Variants in TIAM1 observed in about 807,000 individuals in gnomAD.
TIAM1 encodes the protein TIAM Rac1 associated GEF 1, also known as rho guanine nucleotide exchange factor TIAM1.
In TIAM1, 65 loss-of-function variants were observed where a neutral mutation model predicts 163.5. That is an observed-to-expected ratio of 0.40 (90% CI 0.33 to 0.49). TIAM1 has a LOEUF of 0.49. TIAM1 is among the 20% of genes least tolerant of loss of function. The probability of loss-of-function intolerance (pLI) is 0.77; values close to 1 mark genes in which losing one functional copy is unlikely to be tolerated. For synonymous variants in TIAM1, 833 were observed against 810.1 expected, an observed-to-expected ratio of 1.03 and a Z score of -0.48; for missense variants, 1,789 against 2,044.7, an observed-to-expected ratio of 0.87 and a Z score of 2.41.
At chr21:31,348,299 C>T (rs752426787), upstream of TIAM1, among the ~76,000 whole-genome samples, 2 of 152,178 alleles carry the variant, frequency 1.3e-5, no homozygotes, top group Non-Finnish European at 2.9e-5. Flanking sequence ...AGCTTACCTC[C>T]ACCTTTTCAA....
chr21:31,338,124 T>C (rs908650164), intron 2 of TIAM1, among the ~76,000 whole-genome samples: 10 of 152,182 alleles, frequency 6.6e-5, no homozygotes, highest in African/African-American at 2.4e-4. Context: ...TCCAAGCCAC[T>C]GTGTACATGC....
intron 1 of TIAM1, among the ~76,000 whole-genome samples, chr21:31,340,174 T>C (rs527383992): frequency 2.0e-5 from 3 of 151,566 alleles, no homozygotes; most frequent in African/African-American, 7.3e-5. Flanking sequence ...GTCCAGTCCC[T>C]TGCAATACTA....
chr21:31,298,765 TGTGA>T (rs1401401460), intron 2 of TIAM1, among the ~76,000 whole-genome samples: 32 of 134,018 alleles, frequency 2.4e-4, no homozygotes, highest in African/African-American at 1.1e-3. Flanking sequence ...TGTGTGTGTG[TGTGA>T]GAAACAGAGA....
chr21:31,451,979 T>A (rs377608711), intron 2 of TIAM1, among the ~76,000 whole-genome samples: 24 of 151,810 alleles, frequency 1.6e-4, no homozygotes, highest in East Asian at 1.2e-3. Flanking sequence ...CTAATAGAGA[T>A]GAAGAAGTTG....
intron 1 of TIAM1, among the ~76,000 whole-genome samples, chr21:31,546,852 T>C (rs574416627): frequency 4.6e-5 from 7 of 152,240 alleles, no homozygotes; most frequent in Admixed American, 6.5e-5. Context: ...CTAGCAACCA[T>C]AATGCAGCAA....
At chr21:31,522,887 G>A (rs566041831) in intron 1 of TIAM1, among the ~76,000 whole-genome samples, 5 of 152,202 alleles carry the variant, frequency 3.3e-5, no homozygotes, top group Admixed American at 2.6e-4. Flanking sequence ...ACACTACCCC[G>A]TATTTCAATG....
At chr21:31,321,993 C>T (rs1487570333) in intron 2 of TIAM1, among the ~76,000 whole-genome samples, 1 of 152,056 alleles carries the variant, frequency 6.6e-6, no homozygotes, top group Non-Finnish European at 1.5e-5. Flanking sequence ...GCAGAAGTGG[C>T]AGTGAGCCAA....
chr21:31,222,680 T>TAC, intron 8 of TIAM1, among the ~76,000 whole-genome samples: 1 of 35,516 alleles, frequency 2.8e-5, no homozygotes, highest in South Asian at 2.2e-3. Flanking sequence ...CACATACATA[T>TAC]ATATATATAT....
chr21:31,373,699 G>A lies in TIAM1; in HGVS notation c.-368-34277C>T, dbSNP rs184649417. ...TTTCTTTCAGGGGAGTACTAGAGAT[G>A]AGAGAAGAGTAATAAGCCCATTCAG... On this transcript the variant is annotated intron_variant, in intron 2 of 28. Coordinates refer to the TIAM1 transcript ENST00000286827. Among the ~76,000 whole-genome samples, 4 of 152,240 alleles carry A rather than the reference G, an allele frequency of 2.6e-5. No homozygotes were observed. The East Asian group carries it at 7.7e-4, about 29-fold the overall frequency.
intron 2 of TIAM1, among the ~76,000 whole-genome samples, chr21:31,439,660 G>T (rs2044349314): frequency 6.6e-6 from 1 of 151,704 alleles, no homozygotes; most frequent in Non-Finnish European, 1.5e-5. Context: ...AACTACAGTT[G>T]ACCAGTCATT....
At chr21:31,444,340 AAT>A (rs1211960331) in intron 2 of TIAM1, among the ~76,000 whole-genome samples, 1 of 47,498 alleles carries the variant, frequency 2.1e-5, no homozygotes, top group Non-Finnish European at 3.6e-5. Flanking sequence ...CTGATTTAAA[AAT>A]AAAATCAGTA....
chr21:31,172,106 G>C (rs1258913494), intron 15 of TIAM1, among the ~76,000 whole-genome samples: 1 of 152,152 alleles, frequency 6.6e-6, no homozygotes, highest in Non-Finnish European at 1.5e-5. Flanking sequence ...AAGTGGTGAG[G>C]GGGAATTTCA....
intron 1 of TIAM1, chr21:31,464,045 A>G (rs1245847517): frequency 6.6e-6 from 1 of 152,222 alleles, no homozygotes; most frequent in African/African-American, 2.4e-5. Flanking sequence ...CCTGGAAGGT[A>G]AGAAAAACAA....
chr21:31,210,661 GAAAGAAAAAGAAAGAAAGAAAGAA>G (rs1569032776), intron 10 of TIAM1, among the ~76,000 whole-genome samples: 211 of 20,296 alleles, frequency 0.01, 16 homozygotes, highest in Admixed American at 0.018. Context: ...AAGAAAGAAA[GAAAGAAAAAGAAAGAAAGAAAGAA>G]AAAGAAAGAA....
At chr21:31,127,262 G>T in intron 25 of TIAM1, 110 bp from the exon 26 acceptor site, 1 of 900,558 alleles carries the variant, frequency 1.1e-6, no homozygotes. Context: ...GCAGAACACT[G>T]TATAAGATCA....
chr21:31,446,383 A>C (rs2044625991), intron 2 of TIAM1, among the ~76,000 whole-genome samples: 1 of 152,174 alleles, frequency 6.6e-6, no homozygotes, highest in Admixed American at 6.5e-5. Context: ...CAGCCATTCT[A>C]GGGGCACAGG....
intron 1 of TIAM1, among the ~76,000 whole-genome samples, chr21:31,502,427 C>T (rs1029338879): frequency 2.0e-5 from 3 of 152,050 alleles, no homozygotes; most frequent in African/African-American, 4.8e-5. Flanking sequence ...TGTAAGCCAC[C>T]GCACCCAGCC....
chr21:31,223,734 T>G, intron 7 of TIAM1, 143 bp from the exon 8 acceptor site: 1 of 791,624 alleles, frequency 1.3e-6, no homozygotes, highest in Non-Finnish European at 1.8e-6. Flanking sequence ...AGTTTCTTAG[T>G]TACTTATGTT....
chr21:31,418,700 T>C (rs1311085059), intron 2 of TIAM1, among the ~76,000 whole-genome samples: 2 of 152,106 alleles, frequency 1.3e-5, no homozygotes, highest in South Asian at 2.1e-4. Flanking sequence ...AAAAGGAGAC[T>C]GAGAGACAAC....
Sources: allele counts gnomAD v4.1 joint callset (sites outside exome capture counted in the v4.1 genomes callset), GRCh38; gene constraint gnomAD v4.1.1; transcripts MANE v1.5; gene names NCBI Gene and HGNC (gene_info 2026-07-23, HGNC 2026-07-21).